The following STX18 variants were observed in gnomAD, a reference collection of about 807,000 sequenced individuals.
STX18 encodes the protein syntaxin 18.
STX18 carries 40 observed loss-of-function variants against 50.1 expected under a neutral mutation model. That is an observed-to-expected ratio of 0.80 (90% confidence interval 0.62 to 1.04). The LOEUF (loss-of-function observed/expected upper bound fraction) is 1.04, where lower values mean the gene tolerates loss of function less well. Ranked by LOEUF, STX18 falls within the 50% of genes least tolerant of loss-of-function variation. The probability of loss-of-function intolerance (pLI) is 0.00; values close to 1 mark genes in which losing one functional copy is unlikely to be tolerated. For missense variants in STX18, 410 were observed against 415.8 expected (o/e 0.99, Z 0.12); for synonymous variants, 158 against 151.8 (o/e 1.04, Z -0.30).
chr4:4,425,547 C>T (rs974977306), intron 7 of STX18: 1 of 439,034 alleles, frequency 2.3e-6, no homozygotes, highest in East Asian at 3.8e-5. Flanking sequence ...TGCTTCCTGA[C>T]TCTAGTACCA....
At chr4:4,421,094 T>C in intron 9 of STX18, 150 bp from the exon 10 acceptor site, 1 of 721,556 alleles carries the variant, frequency 1.4e-6, no homozygotes, top group Non-Finnish European at 2.4e-6. Context: ...TTTTGAAGTT[T>C]AGGGATGCTT....
chr4:4,514,930 TAAC>T (rs1553849967), intron 1 of STX18, among the ~76,000 whole-genome samples: 1 of 152,186 alleles, frequency 6.6e-6, no homozygotes, highest in Non-Finnish European at 1.5e-5. Context: ...AGGCTAATTA[TAAC>T]AATAGTTCCA....
intron 5 of STX18, among the ~76,000 whole-genome samples, chr4:4,452,732 G>A (rs1239757922): frequency 1.3e-5 from 2 of 152,202 alleles, no homozygotes; most frequent in Non-Finnish European, 2.9e-5. Context: ...ATAGGCTATA[G>A]CTGCTATAGA....
At chr4:4,513,981 G>A (rs1394368686) in intron 1 of STX18, among the ~76,000 whole-genome samples, 1 of 152,158 alleles carries the variant, frequency 6.6e-6, no homozygotes, top group Non-Finnish European at 1.5e-5. Context: ...TACGTTAAGA[G>A]TCAATACTGG....
chr4:4,465,248 T>G (rs1426366360), intron 2 of STX18, among the ~76,000 whole-genome samples: 1 of 152,208 alleles, frequency 6.6e-6, no homozygotes, highest in African/African-American at 2.4e-5. Flanking sequence ...TTACTGGGTA[T>G]CTACCCAAAG....
At chr4:4,422,093 C>T (rs759513465) in intron 9 of STX18, among the ~76,000 whole-genome samples, 4 of 152,130 alleles carry the variant, frequency 2.6e-5, no homozygotes, top group Non-Finnish European at 4.4e-5. Flanking sequence ...AGCATGTGGC[C>T]TCTGATTCCC....
intron 1 of STX18, among the ~76,000 whole-genome samples, chr4:4,481,252 G>A (rs1384820475): frequency 6.6e-6 from 1 of 152,190 alleles, no homozygotes; most frequent in African/African-American, 2.4e-5. Flanking sequence ...CACAGCAGTG[G>A]TTTGACTTGC....
chr4:4,477,390 T>A (rs747408167), intron 1 of STX18, among the ~76,000 whole-genome samples: 2 of 152,228 alleles, frequency 1.3e-5, no homozygotes, highest in African/African-American at 4.8e-5. Context: ...CTGGCTACTT[T>A]ATTTCTAAGT....
chr4:4,472,937 T>C (rs1242999803), intron 1 of STX18, among the ~76,000 whole-genome samples: 1 of 152,166 alleles, frequency 6.6e-6, no homozygotes, highest in Non-Finnish European at 1.5e-5. Context: ...TAAGGCATTG[T>C]AAGCAAACAA....
At chr4:4,427,702 C>T (rs972949512) in intron 7 of STX18, among the ~76,000 whole-genome samples, 1 of 152,334 alleles carries the variant, frequency 6.6e-6, no homozygotes, top group African/African-American at 2.4e-5. Context: ...TTTCTTGTTT[C>T]CTCCCCAATT....
chr4:4,439,493 C>T (rs1467485005), intron 5 of STX18, among the ~76,000 whole-genome samples: 1 of 141,430 alleles, frequency 7.1e-6, no homozygotes, highest in Non-Finnish European at 1.5e-5. Context: ...CACACACACA[C>T]TCATATATAC....
intron 1 of STX18, among the ~76,000 whole-genome samples, chr4:4,482,800 C>T (rs1270636637): frequency 6.6e-6 from 1 of 152,214 alleles, no homozygotes; most frequent in Non-Finnish European, 1.5e-5. Flanking sequence ...CACTTTCCAC[C>T]TTCCTTGAGG....
In STX18 at chr4:4,423,509, T is replaced by C. The variant is rs968343890; in HGVS notation, c.831+9A>G. 44 of 1,609,958 alleles carry C rather than the reference T, an allele frequency of 2.7e-5. No homozygotes were observed. The highest frequency in any genetic ancestry group is 3.6e-5 in the Non-Finnish European group (43 of 1,179,652). On this transcript the variant is annotated intron_variant, in intron 9 of 10. Transcript: ENST00000306200. ...AAAACATACAGCTCCTTTGTTTTTG[T>C]TTTTTTACCTGTTGCAAAACCTTTT...
intron 2 of STX18, among the ~76,000 whole-genome samples, chr4:4,464,824 G>A (rs983196293): frequency 8.6e-5 from 13 of 151,138 alleles, no homozygotes; most frequent in Admixed American, 2.0e-4. Context: ...CTAGCTAACA[G>A]TCTATCTCAT....
At chr4:4,428,599 G>A (rs1221097250) in intron 7 of STX18, among the ~76,000 whole-genome samples, 1 of 152,162 alleles carries the variant, frequency 6.6e-6, no homozygotes, top group African/African-American at 2.4e-5. Flanking sequence ...GCGGTCAGAT[G>A]CTGTGGGACC....
intron 1 of STX18, among the ~76,000 whole-genome samples, chr4:4,523,055 T>C (rs887608905): frequency 2.6e-5 from 4 of 152,238 alleles, no homozygotes; most frequent in Non-Finnish European, 5.9e-5. Context: ...TAGGTACTAC[T>C]TTATTCCCAT....
Position 4,459,480 on chromosome 4 carries a change from T to A in STX18, c.244A>T (p.Met82Leu), listed in dbSNP as rs149431016. The change falls in exon 3 of 11, where the codon ATG becomes TTG. Residue 82 changes from methionine (M) to leucine (L), a missense_variant. Coordinates refer to ENST00000306200, the MANE Select transcript of STX18 (RefSeq NM_016930.4). ...KDYINAYSHT[M>L]SEYGRMTDTE... Reference sequence around the variant, plus strand: ...TCTGTCATCCTCCCATATTCAGACATGGTATGGCTAAAAAAAGACAGCAAA... The same window carrying A: ...TCTGTCATCCTCCCATATTCAGACAAGGTATGGCTAAAAAAAGACAGCAAA... 1.9e-6 allele frequency: 3 copies of A among 1,611,384 alleles called. No individual in the cohort carries two copies. The highest frequency in any genetic ancestry group is 1.7e-6 in the Non-Finnish European group (2 of 1,177,596).
At chr4:4,444,826 C>T (rs966514994) in intron 5 of STX18, among the ~76,000 whole-genome samples, 4 of 150,444 alleles carry the variant, frequency 2.7e-5, no homozygotes, top group Admixed American at 2.6e-4. Flanking sequence ...AACAAACTAA[C>T]AAACAAATAA....
intron 1 of STX18, among the ~76,000 whole-genome samples, chr4:4,524,929 C>A (rs141606477): frequency 1.3e-5 from 2 of 151,580 alleles, no homozygotes; most frequent in Admixed American, 6.6e-5. Context: ...GAGAGTGGAC[C>A]GCAAATTAAA....
Sources: gnomAD v4.1 joint callset for allele counts (sites outside exome capture counted in the v4.1 genomes callset) on GRCh38, gnomAD v4.1.1 for gene constraint, MANE v1.5 for transcripts, NCBI Gene and HGNC (gene_info 2026-07-23, HGNC 2026-07-21) for gene names.